Variants in GFPT2 observed in about 807,000 individuals in gnomAD.
The protein encoded by GFPT2 is glutamine--fructose-6-phosphate transaminase 2.
Under a neutral mutation model 85.6 loss-of-function variants are expected in GFPT2, and 62 were observed. That is an observed-to-expected ratio of 0.72 (90% confidence interval 0.59 to 0.90). GFPT2 has a LOEUF of 0.90. Ranked by LOEUF, GFPT2 falls within the 40% of genes least tolerant of loss-of-function variation. The pLI, the probability that GFPT2 is intolerant of heterozygous loss-of-function variation, is 0.00. For missense variants in GFPT2, 788 were observed against 893.4 expected (o/e 0.88, Z 1.50); for synonymous variants, 368 against 344.5 (o/e 1.07, Z -0.75).
rs543986638 is a variant in GFPT2 at position 180,324,165 on chromosome 5, C to T, written c.794+23G>A. On this transcript the variant is annotated intron_variant, in intron 9 of 18. Coordinates refer to ENST00000253778, the MANE Select transcript of GFPT2 (RefSeq NM_005110.4). ...TCTTTGATTATGTAATCCCAGGAAG[C>T]GAAGAGAAGAAGGCTCAGTTACCTT... 28 of 1,254,380 alleles carry T rather than the reference C, an allele frequency of 2.2e-5. No individual in the cohort carries two copies. The East Asian group carries it at 5.1e-4, about 23-fold the overall frequency. The allele number at this position is 1,254,380 out of a possible 1,614,324, so 77.7% of individuals were successfully genotyped here. A position where few individuals can be genotyped will look rare whatever the true frequency, so the allele number is the denominator to read the frequency against.
At chr5:180,302,331 T>A in intron 18 of GFPT2, 92 bp downstream of exon 18, 1 of 870,134 alleles carries the variant, frequency 1.1e-6, no homozygotes, top group Non-Finnish European at 1.8e-6. Context: ...TTATTTACTC[T>A]ATGACTATTT....
At chr5:180,337,939 G>A (rs896083635) in intron 2 of GFPT2, among the ~76,000 whole-genome samples, 13 of 152,018 alleles carry the variant, frequency 8.6e-5, no homozygotes, top group African/African-American at 2.7e-4. Flanking sequence ...TTGGGGCTAC[G>A]CCGGGCAGCA....
chr5:180,321,877 G>A (rs1012746911), intron 9 of GFPT2, among the ~76,000 whole-genome samples: 10 of 152,134 alleles, frequency 6.6e-5, no homozygotes, highest in South Asian at 4.1e-4. Context: ...TCCGCCTCCC[G>A]GGTTCACGCC....
intron 7 of GFPT2, among the ~76,000 whole-genome samples, chr5:180,326,110 T>A (rs958767805): frequency 6.6e-6 from 1 of 152,212 alleles, no homozygotes; most frequent in Non-Finnish European, 1.5e-5. Flanking sequence ...TGCTCATTCT[T>A]ATAAATTATA....
At chr5:180,336,871 C>T (rs141986869) in intron 2 of GFPT2, among the ~76,000 whole-genome samples, 9 of 152,378 alleles carry the variant, frequency 5.9e-5, no homozygotes, top group South Asian at 4.1e-4. Flanking sequence ...CCCAGGCCCT[C>T]GGCTGATGGC....
intron 10 of GFPT2, among the ~76,000 whole-genome samples, chr5:180,317,488 A>C (rs7719192): frequency 6.9e-6 from 1 of 145,742 alleles, no homozygotes; most frequent in Non-Finnish European, 1.5e-5. Flanking sequence ...GGCCGGGCGC[A>C]GTGGCTCACG....
At chr5:180,346,753 C>T (rs1764617151) in intron 1 of GFPT2, among the ~76,000 whole-genome samples, 1 of 152,208 alleles carries the variant, frequency 6.6e-6, no homozygotes, top group Admixed American at 6.5e-5. Flanking sequence ...CCTCTGAACC[C>T]CTTTTTCCAA....
intron 7 of GFPT2, among the ~76,000 whole-genome samples, chr5:180,327,748 T>C (rs939790396): frequency 1.4e-4 from 22 of 152,120 alleles, no homozygotes; most frequent in Non-Finnish European, 2.9e-4. Flanking sequence ...CATGCAGCAC[T>C]GGGGGCCCAC....
chr5:180,318,649 C>T lies in GFPT2; in HGVS notation c.958+144G>A, dbSNP rs1261039920. 2.9e-6 allele frequency: 2 copies of T among 695,356 alleles called. No homozygotes were observed. Among genetic ancestry groups the T allele is most frequent in the Non-Finnish European group, 4.9e-6 (2 of 408,904 alleles). 43.1% of individuals were successfully genotyped at this position (695,356 alleles called of 1,614,324 possible). A position where few individuals can be genotyped will look rare whatever the true frequency, so the allele number is the denominator to read the frequency against. On this transcript the variant is annotated intron_variant, in intron 10 of 18. Coordinates refer to ENST00000253778, the MANE Select transcript of GFPT2 (RefSeq NM_005110.4). This position sits in a 1 kb window ranked among gnomAD's most constrained non-coding sequence, Gnocchi z 4.2. ...CCCCACATCCCCTCACCTGTGCAAG[C>T]CACAGGCTACCTGCAGCCCCGCCCT...
intron 1 of GFPT2, among the ~76,000 whole-genome samples, chr5:180,341,264 T>A (rs1409119860): frequency 6.6e-6 from 1 of 152,188 alleles, no homozygotes. Flanking sequence ...AAAGGTCTGA[T>A]CAGGATTGAA....
Position 180,302,522 on chromosome 5 carries a change from T to C in GFPT2, c.1905A>G (p.Thr635=). The change falls in exon 18 of 19, where the codon ACA becomes ACG. Residue 635 remains threonine (T), a synonymous_variant. Coordinates refer to ENST00000253778, the MANE Select transcript of GFPT2 (RefSeq NM_005110.4). ...AGTCCACAGTGTGGGGCAGCTCAATTGTCTTATACGCAAACTTGGAACTTT... is the reference window on the plus strand; with the variant it reads ...AGTCCACAGTGTGGGGCAGCTCAATCGTCTTATACGCAAACTTGGAACTTT... ...DTESSKFAYK[T]IELPHTVDCL... 6.2e-7 allele frequency: 1 copy of C among 1,614,020 alleles called. No homozygotes were observed. Among genetic ancestry groups the C allele is most frequent in the Non-Finnish European group, 8.5e-7 (1 of 1,179,898 alleles).
chr5:180,311,371 C>T (rs937148681), intron 15 of GFPT2, among the ~76,000 whole-genome samples: 2 of 152,204 alleles, frequency 1.3e-5, no homozygotes, highest in East Asian at 3.8e-4. Flanking sequence ...GGACAGGGCA[C>T]GGCACTGGTT....
chr5:180,335,761 C>T lies in GFPT2; in HGVS notation c.340+67G>A, dbSNP rs1442404118. On this transcript the variant is annotated intron_variant, in intron 4 of 18. Coordinates refer to ENST00000253778, the MANE Select transcript of GFPT2 (RefSeq NM_005110.4). ...GAGGTGGGCGCGGAACCTGCTTTGG[C>T]GGGCACTGGCCCTGACACAGCTCAG... 52 of 1,525,472 alleles carry T rather than the reference C, an allele frequency of 3.4e-5. No individual in the cohort carries two copies. The South Asian group carries it at 4.2e-4, about 12-fold the overall frequency. 94.5% of individuals were successfully genotyped at this position (1,525,472 alleles called of 1,614,324 possible).
chr5:180,352,205 C>T (rs1015448965), intron 1 of GFPT2, among the ~76,000 whole-genome samples: 14 of 152,150 alleles, frequency 9.2e-5, no homozygotes, highest in Middle Eastern at 3.4e-3. Context: ...GCACAGACCT[C>T]GGCCAGGGCT....
At position 180,317,576 on chromosome 5, in the gene GFPT2, A is replaced by G. The variant is rs372162193; in HGVS notation, c.959-518T>C. On this transcript the variant is annotated intron_variant, in intron 10 of 18. Transcript: ENST00000253778. ...AGATCGAGACCATCCCGGCTAAAAC[A>G]GTGAAACCCCGTCTCTACTAAAAAT... Among the ~76,000 whole-genome samples, 1,300 of 145,766 alleles carry G rather than the reference A, an allele frequency of 8.9e-3. 34 individuals are homozygous for G. The highest frequency in any genetic ancestry group is 0.019 in the African/African-American group (671 of 35,602).
At chr5:180,349,877 T>G (rs941925420) in intron 1 of GFPT2, among the ~76,000 whole-genome samples, 4 of 146,122 alleles carry the variant, frequency 2.7e-5, no homozygotes, top group African/African-American at 7.4e-5. Flanking sequence ...TCACAGTGAT[T>G]GTTTTTTTTT....
intron 15 of GFPT2, 36 bp from the exon 16 acceptor site, chr5:180,307,339 C>T: frequency 6.2e-7 from 1 of 1,610,682 alleles, no homozygotes; most frequent in Non-Finnish European, 8.5e-7. Flanking sequence ...GAAAACCAGT[C>T]AGGCCGACTT....
intron 1 of GFPT2, among the ~76,000 whole-genome samples, chr5:180,351,203 C>G (rs991236285): frequency 2.0e-5 from 3 of 152,230 alleles, no homozygotes; most frequent in African/African-American, 4.8e-5. Context: ...TCATCCCCCC[C>G]AAACAGACCA....
At chr5:180,349,730 C>T (rs1179892615) in intron 1 of GFPT2, among the ~76,000 whole-genome samples, 2 of 151,994 alleles carry the variant, frequency 1.3e-5, no homozygotes, top group East Asian at 3.9e-4. Flanking sequence ...GAATACATTT[C>T]TGTTGTTTTA....
Sources: allele counts gnomAD v4.1 joint callset (sites outside exome capture counted in the v4.1 genomes callset), GRCh38; gene constraint gnomAD v4.1.1; non-coding constraint Gnocchi (gnomAD v3.1); transcripts MANE v1.5; gene names NCBI Gene and HGNC (gene_info 2026-07-23, HGNC 2026-07-21).